PPP2R2B: variants seen among roughly 807,000 people sequenced by gnomAD.
PPP2R2B encodes serine/threonine-protein phosphatase 2A 55 kDa regulatory subunit B beta isoform.
PPP2R2B carries 5 observed loss-of-function variants against 46.0 expected under a neutral mutation model. That is an observed-to-expected ratio of 0.11 (90% CI 0.06 to 0.23). The LOEUF (loss-of-function observed/expected upper bound fraction) is 0.23. Among genes scored for constraint, PPP2R2B ranks in the 10% least tolerant of loss-of-function variants. The pLI is 1.00. For synonymous variants in PPP2R2B, 215 were observed against 206.7 expected, an observed-to-expected ratio of 1.04 and a Z score of -0.34; for missense variants, 367 against 575.0, an observed-to-expected ratio of 0.64 and a Z score of 3.70.
At chr5:146,719,576 T>G (rs1161725806) in intron 2 of PPP2R2B, among the ~76,000 whole-genome samples, 1 of 152,160 alleles carries the variant, frequency 6.6e-6, no homozygotes, top group Non-Finnish European at 1.5e-5. Context: ...TTGTAGCTCC[T>G]CAATATATAT....
chr5:146,992,380 G>A (rs543162329), intron 1 of PPP2R2B, among the ~76,000 whole-genome samples: 4 of 152,312 alleles, frequency 2.6e-5, no homozygotes, highest in African/African-American at 9.6e-5. Flanking sequence ...AAAAAATGTA[G>A]AGCCACTTCC....
At chr5:146,898,775 C>T (rs1453499242) in intron 1 of PPP2R2B, among the ~76,000 whole-genome samples, 1 of 107,304 alleles carries the variant, frequency 9.3e-6, no homozygotes, top group African/African-American at 5.1e-5. Flanking sequence ...AACAAATTTA[C>T]AAGAAAAAAA....
chr5:147,050,557 A>G (rs1756758672), intron 1 of PPP2R2B, among the ~76,000 whole-genome samples: 1 of 152,174 alleles, frequency 6.6e-6, no homozygotes, highest in South Asian at 2.1e-4. Flanking sequence ...TTCTAATCCT[A>G]GCCCTTGCAT....
chr5:146,822,030 G>A (rs555685845), intron 2 of PPP2R2B, among the ~76,000 whole-genome samples: 5 of 152,150 alleles, frequency 3.3e-5, no homozygotes, highest in African/African-American at 4.8e-5. Flanking sequence ...TGTTATTTCC[G>A]TGTAAAACAT....
chr5:146,811,453 C>T (rs753082702), intron 2 of PPP2R2B, among the ~76,000 whole-genome samples: 1 of 152,074 alleles, frequency 6.6e-6, no homozygotes, highest in African/African-American at 2.4e-5. Flanking sequence ...ATTCTCCTGC[C>T]ATTTGCTATC....
Position 146,755,107 on chromosome 5 carries a change from A to G in PPP2R2B, c.71-53965T>C, listed in dbSNP as rs548705761. 3.9e-5 allele frequency among the ~76,000 whole-genome samples: 6 copies of G among 152,304 alleles called. No homozygotes were observed. The East Asian group carries it at 9.6e-4, about 24-fold the overall frequency. On this transcript the variant is annotated intron_variant, in intron 2 of 9. Coordinates refer to ENST00000394411, the MANE Select transcript of PPP2R2B (RefSeq NM_181675.4). ...CACACATGGAGACAAATGTTTAGAGAAAGGTTTGGCAGGAGATGTGCCATA... is the reference window on the plus strand; with the variant it reads ...CACACATGGAGACAAATGTTTAGAGGAAGGTTTGGCAGGAGATGTGCCATA...
chr5:146,859,532 T>A (rs1760861593), intron 2 of PPP2R2B, among the ~76,000 whole-genome samples: 1 of 152,222 alleles, frequency 6.6e-6, no homozygotes, highest in African/African-American at 2.4e-5. Context: ...AACCAAATAA[T>A]GTGCATGTTG....
chr5:147,059,980 T>C (rs1757209695), upstream of PPP2R2B, among the ~76,000 whole-genome samples: 1 of 152,156 alleles, frequency 6.6e-6, no homozygotes, highest in Admixed American at 6.5e-5. Flanking sequence ...CAACCTCTTT[T>C]GGGGGAAGTT....
rs1378826350 is a variant in PPP2R2B, at chr5:146,698,345, TATATATAC to T, written c.169-209_169-202del. Among the ~76,000 whole-genome samples the T allele has an allele frequency of 2.2e-3, 255 of 118,132 alleles. 2 individuals carry two copies. Among genetic ancestry groups the T allele is most frequent in the African/African-American group, 8.5e-3 (240 of 28,086 alleles). The allele number at this position is 118,132 out of a possible 152,430, so 77.5% of individuals were successfully genotyped here. Reference sequence around the variant, plus strand: ...ATATATATATATATATATATATATATATATATACACACACATATAATTATACACATGAA... The same window carrying T: ...ATATATATATATATATATATATATATACACACATATAATTATACACATGAA... On this transcript the variant is annotated intron_variant, in intron 3 of 9. Transcript: ENST00000394411.
intron 1 of PPP2R2B, among the ~76,000 whole-genome samples, chr5:146,906,617 T>C (rs770389393): frequency 2.0e-5 from 3 of 152,174 alleles, no homozygotes; most frequent in African/African-American, 2.4e-5. Context: ...CCACCGCACC[T>C]GGCCTTTTTC....
intron 7 of PPP2R2B, among the ~76,000 whole-genome samples, chr5:146,601,359 G>A (rs959558628): frequency 3.3e-5 from 5 of 152,068 alleles, no homozygotes; most frequent in African/African-American, 1.2e-4. Flanking sequence ...CACTTTGGGA[G>A]GCCTAGGCGG....
chr5:146,853,891 G>C (rs1760493588), intron 2 of PPP2R2B, among the ~76,000 whole-genome samples: 1 of 151,894 alleles, frequency 6.6e-6, no homozygotes, highest in Non-Finnish European at 1.5e-5. Flanking sequence ...TTAGCCATCT[G>C]CTTCCTCATG....
chr5:147,020,568 G>A (rs1755211048), intron 1 of PPP2R2B, among the ~76,000 whole-genome samples: 1 of 152,098 alleles, frequency 6.6e-6, no homozygotes, highest in Admixed American at 6.6e-5. Flanking sequence ...GAGACCAGGA[G>A]GGGTGGAGAA....
At chr5:146,751,336 G>A (rs1753545701) in intron 2 of PPP2R2B, 1 of 152,210 alleles carries the variant, frequency 6.6e-6, no homozygotes, top group African/African-American at 2.4e-5. Flanking sequence ...TATGTCACCT[G>A]TTGGGAATTG....
intron 7 of PPP2R2B, among the ~76,000 whole-genome samples, chr5:146,606,704 G>C (rs1280181940): frequency 6.6e-6 from 1 of 152,170 alleles, no homozygotes; most frequent in Non-Finnish European, 1.5e-5. Context: ...TTGTGGTACT[G>C]ATTTCTGGGT....
intron 2 of PPP2R2B, among the ~76,000 whole-genome samples, chr5:147,075,631 T>C (rs1168990168): frequency 1.3e-5 from 2 of 152,156 alleles, no homozygotes; most frequent in Non-Finnish European, 2.9e-5. Flanking sequence ...TCCCCAAATA[T>C]CTTTCTTTTT....
chr5:146,630,217 C>T (rs546105440), intron 7 of PPP2R2B, among the ~76,000 whole-genome samples: 1 of 152,332 alleles, frequency 6.6e-6, no homozygotes, highest in East Asian at 1.9e-4. Context: ...TTAGGGCCTT[C>T]ACACTTAGAT....
chr5:147,030,854 A>G (rs549229717), intron 1 of PPP2R2B, among the ~76,000 whole-genome samples: 1 of 152,294 alleles, frequency 6.6e-6, no homozygotes, highest in African/African-American at 2.4e-5. Flanking sequence ...CTATCAACAT[A>G]CAACACTTTT....
At chr5:146,806,858 T>A (rs1343757403) in intron 2 of PPP2R2B, among the ~76,000 whole-genome samples, 1 of 152,202 alleles carries the variant, frequency 6.6e-6, no homozygotes, top group Non-Finnish European at 1.5e-5. Flanking sequence ...CCTGAGGAAG[T>A]ATAAAAGTGC....
Sources: allele counts gnomAD v4.1 joint callset (sites outside exome capture counted in the v4.1 genomes callset), GRCh38; gene constraint gnomAD v4.1.1; transcripts MANE v1.5; gene names NCBI Gene and HGNC (gene_info 2026-07-23, HGNC 2026-07-21).